The following COL23A1 variants were observed in gnomAD, a reference collection of about 807,000 sequenced individuals.
The protein encoded by COL23A1 is collagen type XXIII alpha 1 chain.
In COL23A1, 97 loss-of-function variants were observed where a neutral mutation model predicts 99.3. That is an observed-to-expected ratio of 0.98 (90% CI 0.83 to 1.16). The LOEUF is 1.16. COL23A1 is among the 50% of genes most tolerant of loss of function. The pLI is 0.00. For missense variants in COL23A1, 762 were observed against 757.4 expected (o/e 1.01, Z -0.07); for synonymous variants, 320 against 308.2 (o/e 1.04, Z -0.40).
In COL23A1 at chr5:178,238,664, A is replaced by T; in HGVS notation, c.*34T>A. 6.2e-7 allele frequency: 1 copy of T among 1,611,776 alleles called. No homozygotes were observed. On this transcript the variant is annotated 3_prime_UTR_variant, in exon 29 of 29. Transcript: ENST00000390654. ...TTTTACAAAAATTAAAAATGTCCAC[A>T]CGGATCTGTACAGGTGTGAGCTGGG...
chr5:178,279,954 A>G (rs1756799476), intron 5 of COL23A1, among the ~76,000 whole-genome samples: 1 of 152,176 alleles, frequency 6.6e-6, no homozygotes, highest in Non-Finnish European at 1.5e-5. Flanking sequence ...CTGCCACTCA[A>G]CCACAGGCTC....
In COL23A1 at chr5:178,384,070, C is replaced by T. The variant is rs905090113; in HGVS notation, c.362-77151G>A. ...CAAGCCTGGGCTGCATCTCCTGCCA[C>T]GGCCAGGCAGGTCCCACCTCTCTGC... On this transcript the variant is annotated intron_variant, in intron 2 of 28. Transcript: ENST00000390654. The surrounding 1 kb of genome is among the most constrained non-coding windows in gnomAD (Gnocchi z 5.5). 2.0e-5 allele frequency among the ~76,000 whole-genome samples: 3 copies of T among 152,206 alleles called. No individual in the cohort carries two copies. The highest frequency in any genetic ancestry group is 7.2e-5 in the African/African-American group (3 of 41,454).
intron 23 of COL23A1, 27 bp downstream of exon 23, chr5:178,246,364 G>C (rs1212037750): frequency 3.8e-6 from 6 of 1,569,310 alleles, no homozygotes; most frequent in Non-Finnish European, 5.2e-6. Context: ...TAACACCTTT[G>C]GGACAAACAA....
chr5:178,321,477 TC>T (rs1759302266), intron 2 of COL23A1, among the ~76,000 whole-genome samples: 2 of 145,278 alleles, frequency 1.4e-5, no homozygotes, highest in Non-Finnish European at 3.0e-5. Flanking sequence ...GAGGTCACCT[TC>T]CCTTTTTTTT....
chr5:178,305,754 G>A (rs1036555212), intron 3 of COL23A1, among the ~76,000 whole-genome samples: 10 of 152,266 alleles, frequency 6.6e-5, no homozygotes, highest in South Asian at 2.1e-4. Flanking sequence ...GGGACATGGC[G>A]TGGGGGGTGA....
At chr5:178,419,874 C>G (rs1765511406) in intron 2 of COL23A1, among the ~76,000 whole-genome samples, 1 of 152,206 alleles carries the variant, frequency 6.6e-6, no homozygotes, top group African/African-American at 2.4e-5. Flanking sequence ...AAACGCCGAG[C>G]TGTAACCAGT....
At chr5:178,443,108 G>A (rs779592364) in intron 2 of COL23A1, 1 of 152,352 alleles carries the variant, frequency 6.6e-6, no homozygotes, top group Non-Finnish European at 1.5e-5. Flanking sequence ...TCCTCAGTGG[G>A]AGGAAGCACC....
At chr5:178,239,392 G>A (rs184135988) in intron 27 of COL23A1, among the ~76,000 whole-genome samples, 1 of 152,332 alleles carries the variant, frequency 6.6e-6, no homozygotes, top group Non-Finnish European at 1.5e-5. Flanking sequence ...CACTGAGCTT[G>A]TCCTGAGTGT....
chr5:178,585,751 T>TGGCGCTGGGGTAACGCCCTACAGCCC (rs1562115782), intron 1 of COL23A1, among the ~76,000 whole-genome samples: 4 of 5,250 alleles, frequency 7.6e-4, no homozygotes, highest in Admixed American at 2.6e-3. Context: ...GCTGACCCTG[T>TGGCGCTGGGGTAACGCCCTACAGCCC]TGGTTGCTCC....
chr5:178,504,228 G>A (rs561594512), intron 2 of COL23A1, among the ~76,000 whole-genome samples: 2 of 152,214 alleles, frequency 1.3e-5, no homozygotes, highest in Admixed American at 6.5e-5. Flanking sequence ...ATTCTCAGGC[G>A]GGGACAGGAG....
Position 178,331,880 on chromosome 5 carries a change from G to C in COL23A1, c.362-24961C>G, listed in dbSNP as rs554991497. 4.6e-5 allele frequency among the ~76,000 whole-genome samples: 7 copies of C among 152,326 alleles called. No homozygotes were observed. The East Asian group carries it at 1.4e-3, about 29-fold the overall frequency. On this transcript the variant is annotated intron_variant, in intron 2 of 28. Transcript: ENST00000390654. The stretch of plus-strand genomic sequence containing the variant: ...CCGGGCAGTCAGCCGGCAGGGCCAG[G>C]CCAGGAGGAAGGCACGCAAAAGCCA...
chr5:178,357,736 G>GTGTGTGTGTGTATGTA (rs1353482179), intron 2 of COL23A1, among the ~76,000 whole-genome samples: 1 of 150,016 alleles, frequency 6.7e-6, no homozygotes, highest in African/African-American at 2.5e-5. Flanking sequence ...GTGTGTGTGT[G>GTGTGTGTGTGTATGTA]TATGTACGTG....
chr5:178,508,952 T>G lies in COL23A1; in HGVS notation c.361+51730A>C, dbSNP rs1369689271. ...CACTTAGGAGGAACAGAGAAAATAT[T>G]TCTCCTCTTTTTCCAGGACTGGAAG... On this transcript the variant is annotated intron_variant, in intron 2 of 28. Coordinates refer to ENST00000390654, the MANE Select transcript of COL23A1 (RefSeq NM_173465.4). 2.6e-5 allele frequency among the ~76,000 whole-genome samples: 4 copies of G among 152,302 alleles called. No individual in the cohort carries two copies. In the East Asian group the frequency reaches 7.7e-4, roughly 29 times the overall value.
In COL23A1 at chr5:178,268,766, G is replaced by C. The variant is rs752996752; in HGVS notation, c.469-10C>G. On this transcript the variant is annotated splice_polypyrimidine_tract_variant and intron_variant, in intron 6 of 28. Transcript: ENST00000390654. The stretch of plus-strand genomic sequence containing the variant: ...TCGGGCCTGGAAGTCCCTGGAAAAG[G>C]AAAGTGGAGAAAGAACAGACCTGAG... The C allele has an allele frequency of 6.9e-6, 11 of 1,603,012 alleles. No individual in the cohort carries two copies. The highest frequency in any genetic ancestry group is 1.3e-5 in the African/African-American group (1 of 74,828).
intron 16 of COL23A1, among the ~76,000 whole-genome samples, chr5:178,254,322 G>T (rs1765195469): frequency 6.6e-6 from 1 of 152,234 alleles, no homozygotes; most frequent in Non-Finnish European, 1.5e-5. Flanking sequence ...GGGGGTGGGT[G>T]CCACAGTTAC....
chr5:178,478,123 G>GC (rs1197751309), intron 2 of COL23A1, among the ~76,000 whole-genome samples: 3 of 152,154 alleles, frequency 2.0e-5, no homozygotes, highest in African/African-American at 7.2e-5. Flanking sequence ...GCCAGACAGT[G>GC]CCTGCGGGCC....
At chr5:178,418,867 T>C (rs1245483403) in intron 2 of COL23A1, among the ~76,000 whole-genome samples, 3 of 152,140 alleles carry the variant, frequency 2.0e-5, no homozygotes, top group Non-Finnish European at 4.4e-5. Flanking sequence ...GAGATCCAGG[T>C]ATCATGCAAA....
At chr5:178,275,792 G>C (rs1756550548) in intron 5 of COL23A1, among the ~76,000 whole-genome samples, 1 of 152,128 alleles carries the variant, frequency 6.6e-6, no homozygotes, top group Admixed American at 6.5e-5. Context: ...TGATTCACCG[G>C]AGTGCGGTCT....
chr5:178,443,382 T>C (rs1766987799), intron 2 of COL23A1, among the ~76,000 whole-genome samples: 1 of 152,220 alleles, frequency 6.6e-6, no homozygotes, highest in Non-Finnish European at 1.5e-5. Flanking sequence ...TTGTTCAGAT[T>C]CTGGCCAGAG....
Sources: gnomAD v4.1 joint callset for allele counts (sites outside exome capture counted in the v4.1 genomes callset) on GRCh38, gnomAD v4.1.1 for gene constraint, Gnocchi (gnomAD v3.1) non-coding constraint, MANE v1.5 for transcripts, NCBI Gene and HGNC (gene_info 2026-07-23, HGNC 2026-07-21) for gene names.